Variants in RAB3IL1 observed in about 807,000 individuals in gnomAD.
RAB3IL1 encodes guanine nucleotide exchange factor for Rab-3A.
A neutral mutation model predicts 49.2 loss-of-function variants in RAB3IL1; 37 were observed. The ratio of observed to expected loss-of-function variants is 0.75; its 90% CI spans 0.58 to 0.99. The LOEUF is 0.99. Ranked by LOEUF, RAB3IL1 falls within the 50% of genes least tolerant of loss-of-function variation. RAB3IL1 has a pLI of 0.00. For missense variants in RAB3IL1, 484 were observed against 513.0 expected (o/e 0.94, Z 0.55); for synonymous variants, 193 against 213.9 (o/e 0.90, Z 0.85).
At chr11:61,943,986 C>T in the RAB3IL1 span, among the ~76,000 whole-genome samples, 1 of 152,172 alleles carries the variant, frequency 6.6e-6, no homozygotes, top group African/African-American at 2.4e-5. Context: ...TTATAACAAG[C>T]ATTTAGTCCT....
the RAB3IL1 span, among the ~76,000 whole-genome samples, chr11:61,945,378 C>T: frequency 1.1e-4 from 16 of 152,206 alleles, no homozygotes; most frequent in African/African-American, 3.6e-4. Flanking sequence ...GCGCTAAACA[C>T]GGTCGGTCGG....
intron 1 of RAB3IL1, among the ~76,000 whole-genome samples, chr11:61,910,458 C>T (rs950831188): frequency 5.3e-4 from 81 of 152,266 alleles, no homozygotes; most frequent in African/African-American, 1.9e-3. Flanking sequence ...CCATGTCAGC[C>T]TCTGACCTGG....
Position 61,906,016 on chromosome 11 carries a change from C to T in RAB3IL1, c.657+450G>A, listed in dbSNP as rs1939163770. On this transcript the variant is annotated intron_variant, in intron 5 of 9. Transcript: ENST00000394836. The surrounding 1 kb of genome is among the most constrained non-coding windows in gnomAD (Gnocchi z 4.6). Reference sequence around the variant, plus strand: ...TCTCAGCCCCACAGTCAGAGGGTGCCAGAAACCCCTTGAGCACAGGGCTGT... The same window carrying T: ...TCTCAGCCCCACAGTCAGAGGGTGCTAGAAACCCCTTGAGCACAGGGCTGT... Among the ~76,000 whole-genome samples, 1 of 152,118 alleles carries T rather than the reference C, an allele frequency of 6.6e-6. No individual in the cohort carries two copies. Among genetic ancestry groups the T allele is most frequent in the African/African-American group, 2.4e-5 (1 of 41,430 alleles).
chr11:61,899,836 A>AT (rs978791092), intron 8 of RAB3IL1: 13 of 168,084 alleles, frequency 7.7e-5, no homozygotes, highest in Non-Finnish European at 1.7e-4. Flanking sequence ...AGTGCTACTG[A>AT]TAACACTGGG....
At chr11:61,939,205 T>A in the RAB3IL1 span, among the ~76,000 whole-genome samples, 1 of 151,952 alleles carries the variant, frequency 6.6e-6, no homozygotes, top group Admixed American at 6.6e-5. Flanking sequence ...CACAAAGGAA[T>A]GAAATTAGAA....
upstream of RAB3IL1, chr11:61,917,660 C>G (rs1488708801): frequency 4.4e-5 from 33 of 749,334 alleles, no homozygotes; most frequent in Admixed American, 1.2e-4. Flanking sequence ...CAAGGCCTGG[C>G]CCCACCCGGC....
intron 2 of RAB3IL1, 101 bp from the exon 3 acceptor site, chr11:61,907,761 A>C: frequency 1.8e-6 from 2 of 1,101,430 alleles, no homozygotes; most frequent in South Asian, 2.8e-5. Context: ...TCGTCATTTT[A>C]TGTGGGGCTC....
chr11:61,898,170 G>A lies in RAB3IL1; in HGVS notation c.*108C>T. The A allele has an allele frequency of 3.0e-6, 3 of 989,850 alleles. No individual in the cohort carries two copies. The highest frequency in any genetic ancestry group is 4.6e-6 in the Non-Finnish European group (3 of 645,524). 61.3% of individuals were successfully genotyped at this position (989,850 alleles called of 1,614,324 possible). On this transcript the variant is annotated 3_prime_UTR_variant, in exon 10 of 10. Transcript: ENST00000394836. This position sits in a 1 kb window ranked among gnomAD's most constrained non-coding sequence, Gnocchi z 5.1. ...CATGGCCTGTCTGTCCATCCATTCT[G>A]CCTCTGGCTCAGGGCTGGCTCCAGG...
Position 61,897,718 on chromosome 11 carries a change from A to C in RAB3IL1, c.*560T>G, listed in dbSNP as rs1425812304. On this transcript the variant is annotated 3_prime_UTR_variant, in exon 10 of 10. Coordinates refer to ENST00000394836, the MANE Select transcript of RAB3IL1 (RefSeq NM_013401.4). ...GGGAGGGGTCTTGACTCATCTTAAC[A>C]AGGCTTTGGGGCAATTCTGTGCTAT... 1 of 152,794 alleles carries C rather than the reference A, an allele frequency of 6.5e-6. No individual in the cohort carries two copies. The highest frequency in any genetic ancestry group is 1.9e-4 in the East Asian group (1 of 5,226). The allele number at this position is 152,794 out of a possible 1,614,324, so 9.5% of individuals were successfully genotyped here.
chr11:61,923,506 G>A (rs1258417212), upstream of RAB3IL1, among the ~76,000 whole-genome samples: 3 of 152,206 alleles, frequency 2.0e-5, no homozygotes, highest in Admixed American at 6.5e-5. Flanking sequence ...AGGCAGCCAC[G>A]CACACCTGGC....
the RAB3IL1 span, among the ~76,000 whole-genome samples, chr11:61,925,634 C>CAA: frequency 0.02 from 2,915 of 146,778 alleles, 42 homozygotes; most frequent in Non-Finnish European, 0.03. Flanking sequence ...GACTGTGTCT[C>CAA]AAAAAAAAAA....
the RAB3IL1 span, among the ~76,000 whole-genome samples, chr11:61,929,526 T>A: frequency 8.3e-4 from 125 of 150,550 alleles, no homozygotes; most frequent in African/African-American, 1.9e-3. Flanking sequence ...TAAAAAAATT[T>A]AAAAAAAAAT....
At chr11:61,934,488 A>T in the RAB3IL1 span, among the ~76,000 whole-genome samples, 20 of 128,106 alleles carry the variant, frequency 1.6e-4, no homozygotes, top group African/African-American at 5.3e-4. Flanking sequence ...ATATATATAT[A>T]TATATATTCT....
At chr11:61,945,573 C>G in the RAB3IL1 span, among the ~76,000 whole-genome samples, 39 of 152,216 alleles carry the variant, frequency 2.6e-4, no homozygotes, top group Non-Finnish European at 1.5e-5. Context: ...CACAGCACGT[C>G]AAACTCAACA....
At chr11:61,926,104 C>CAAAAAAAAAAAAAAAAAAAAAAAA in the RAB3IL1 span, among the ~76,000 whole-genome samples, 2 of 64,064 alleles carry the variant, frequency 3.1e-5, no homozygotes, top group Non-Finnish European at 5.9e-5. Flanking sequence ...TCCTTCCTGC[C>CAAAAAAAAAAAAAAAAAAAAAAAA]AAAAAAAAAA....
chr11:61,940,809 A>AGG, the RAB3IL1 span, among the ~76,000 whole-genome samples: 1 of 151,942 alleles, frequency 6.6e-6, no homozygotes, highest in Non-Finnish European at 1.5e-5. Context: ...AGTCCCAGCT[A>AGG]CTCAGGAGGC....
chr11:61,908,154 G>A lies in RAB3IL1; in HGVS notation c.164C>T (p.Ala55Val). Reference protein sequence around the residue: ...GEEAQGQEGPAAAQLDVLRLR... With the variant: ...GEEAQGQEGPVAAQLDVLRLR... ...GCGCAACACGTCCAGCTGGGCGGCT[G>A]CGGGGCCCTCCTGGCCTTGGGCCTC... The change falls in exon 2 of 10, where the codon GCA becomes GTA. Residue 55 changes from alanine (A) to valine (V), a missense_variant. By Grantham distance (64) the Ala-to-Val change is moderately conservative (BLOSUM62 0). Coordinates refer to ENST00000394836, the MANE Select transcript of RAB3IL1 (RefSeq NM_013401.4). 6.4e-7 allele frequency: 1 copy of A among 1,571,190 alleles called. No individual in the cohort carries two copies. The highest frequency in any genetic ancestry group is 8.6e-7 in the Non-Finnish European group (1 of 1,160,838).
At chr11:61,905,854 G>A (rs1313740682) in intron 5 of RAB3IL1, among the ~76,000 whole-genome samples, 1 of 152,184 alleles carries the variant, frequency 6.6e-6, no homozygotes, top group Non-Finnish European at 1.5e-5. Context: ...CATTTATCAG[G>A]TGAGAAAGCT....
chr11:61,906,775 C>T lies in RAB3IL1; in HGVS notation c.439-91G>A. 1.6e-6 allele frequency: 2 copies of T among 1,235,534 alleles called. No individual in the cohort carries two copies. Among genetic ancestry groups the T allele is most frequent in the East Asian group, 2.5e-5 (1 of 39,874 alleles). The allele number at this position is 1,235,534 out of a possible 1,614,324, so 76.5% of individuals were successfully genotyped here. A position where few individuals can be genotyped will look rare whatever the true frequency, so the allele number is the denominator to read the frequency against. ...ATCAGCCTAACTCAGGACAATGCAC[C>T]CCTGCAGTGACAGGCACTTAGTCCC... is the stretch of plus-strand genomic sequence containing the variant. On this transcript the variant is annotated intron_variant, in intron 4 of 9. Coordinates refer to ENST00000394836, the MANE Select transcript of RAB3IL1 (RefSeq NM_013401.4). The surrounding 1 kb of genome is among the most constrained non-coding windows in gnomAD (Gnocchi z 4.6).
Sources: gnomAD v4.1 joint callset for allele counts (sites outside exome capture counted in the v4.1 genomes callset) on GRCh38, gnomAD v4.1.1 for gene constraint, Gnocchi (gnomAD v3.1) non-coding constraint, MANE v1.5 for transcripts, NCBI Gene and HGNC (gene_info 2026-07-23, HGNC 2026-07-21) for gene names.